ADAMTS20: variants seen among roughly 807,000 people sequenced by gnomAD.
ADAMTS20 encodes the protein ADAM metallopeptidase with thrombospondin type 1 motif 20, also known as A disintegrin and metalloproteinase with thrombospondin motifs 20.
ADAMTS20 carries 225 observed loss-of-function variants against 260.1 expected under a neutral mutation model. That is an observed-to-expected ratio of 0.87 (90% CI 0.78 to 0.97). ADAMTS20 has a LOEUF of 0.97. ADAMTS20 is among the 50% of genes least tolerant of loss of function. The pLI, the probability that ADAMTS20 is intolerant of heterozygous loss-of-function variation, is 0.00. For synonymous variants in ADAMTS20, 802 were observed against 769.5 expected (o/e 1.04, Z -0.70); for missense variants, 2,400 against 2,337.7 (o/e 1.03, Z -0.55).
Position 43,551,723 on chromosome 12 carries a change from G to A in ADAMTS20, c.91+108C>T. The stretch of plus-strand genomic sequence containing the variant: ...TCCGGGAGTCCCGGGAGCTCCAGCA[G>A]GGCCAGCGTTCCCCAACGGGCTGAG... On this transcript the variant is annotated intron_variant, in intron 1 of 38. Transcript: ENST00000389420. This position sits in a 1 kb window ranked among gnomAD's most constrained non-coding sequence, Gnocchi z 4.6. The A allele has an allele frequency of 8.6e-7, 1 of 1,164,156 alleles. No individual in the cohort carries two copies. The highest frequency in any genetic ancestry group is 1.3e-5 in the South Asian group (1 of 76,600). 72.1% of individuals were successfully genotyped at this position (1,164,156 alleles called of 1,614,324 possible).
Position 43,443,149 on chromosome 12 carries a change from G to A in ADAMTS20, c.2290+642C>T, listed in dbSNP as rs74363795. ...CAGCTTGGTGAATTATAGATAACTC[G>A]CTATTAAGATATTTCACAGGCAGAA... On this transcript the variant is annotated intron_variant, in intron 16 of 38. Coordinates refer to ENST00000389420, the MANE Select transcript of ADAMTS20 (RefSeq NM_025003.5). Among the ~76,000 whole-genome samples, 721 of 152,112 alleles carry A rather than the reference G, an allele frequency of 4.7e-3. 6 individuals carry two copies. Among genetic ancestry groups the A allele is most frequent in the African/African-American group, 0.017 (685 of 41,502 alleles).
intron 3 of ADAMTS20, among the ~76,000 whole-genome samples, chr12:43,528,347 G>GAAAAAAAAAAAAAAAAAAAAAAA (rs1565583137): frequency 1.3e-3 from 3 of 2,308 alleles, no homozygotes; most frequent in African/African-American, 2.3e-3. Flanking sequence ...GCAATCCTAA[G>GAAAAAAAAAAAAAAAAAAAAAAA]CAAAAAAAAA....
intron 2 of ADAMTS20, among the ~76,000 whole-genome samples, chr12:43,538,569 G>T (rs1445547993): frequency 6.6e-6 from 1 of 152,074 alleles, no homozygotes; most frequent in East Asian, 1.9e-4. Flanking sequence ...TGCTTGTGGG[G>T]TATTGCTCAA....
intron 3 of ADAMTS20, among the ~76,000 whole-genome samples, chr12:43,523,496 G>A (rs1943099652): frequency 6.6e-6 from 1 of 152,168 alleles, no homozygotes; most frequent in African/African-American, 2.4e-5. Context: ...GCAGGAGTTG[G>A]GTACCCCAGC....
intron 29 of ADAMTS20, among the ~76,000 whole-genome samples, chr12:43,389,717 T>G (rs1264568110): frequency 2.0e-5 from 3 of 152,112 alleles, no homozygotes; most frequent in South Asian, 2.1e-4. Flanking sequence ...TTTGTTTTTG[T>G]TTTTTTGCCA....
Position 43,446,472 on chromosome 12 carries a change from T to A in ADAMTS20, c.2197+123A>T, listed in dbSNP as rs1423072126. ...TATTTAGGAAATTTTTCCTTAACAATCATTTTGGACTAAGGGTATAGAGTA... is the reference window on the plus strand; with the variant it reads ...TATTTAGGAAATTTTTCCTTAACAAACATTTTGGACTAAGGGTATAGAGTA... On this transcript the variant is annotated intron_variant, in intron 15 of 38. Transcript: ENST00000389420. 3 of 648,060 alleles carry A rather than the reference T, an allele frequency of 4.6e-6. No individual in the cohort carries two copies. The South Asian group carries it at 8.4e-5, about 18-fold the overall frequency. 40.1% of individuals were successfully genotyped at this position (648,060 alleles called of 1,614,324 possible). A position where few individuals can be genotyped will look rare whatever the true frequency, so the allele number is the denominator to read the frequency against.
In ADAMTS20 at chr12:43,383,766, T is replaced by G. The variant is rs201090776; in HGVS notation, c.4626+38A>C. 4.4e-5 allele frequency: 71 copies of G among 1,613,438 alleles called. No individual in the cohort carries two copies. The East Asian group carries it at 1.5e-3, about 35-fold the overall frequency. Reference sequence around the variant, plus strand: ...TAACCAAATGAATAACACATTCTTATATGCAGTGTCTTTGAAAATTTACAT... The same window carrying G: ...TAACCAAATGAATAACACATTCTTAGATGCAGTGTCTTTGAAAATTTACAT... On this transcript the variant is annotated intron_variant, in intron 30 of 38. Transcript: ENST00000389420.
chr12:43,399,290 A>G (rs944165534), intron 28 of ADAMTS20, 57 bp from the exon 29 acceptor site: 1 of 1,314,248 alleles, frequency 7.6e-7, no homozygotes. Context: ...ATTTAAGCTT[A>G]TCTTAAAGAA....
At chr12:43,485,280 C>T (rs1942506271) in intron 7 of ADAMTS20, among the ~76,000 whole-genome samples, 1 of 151,986 alleles carries the variant, frequency 6.6e-6, no homozygotes, top group Admixed American at 6.6e-5. Flanking sequence ...ATAAACAAGT[C>T]AATAAATGTG....
Position 43,377,455 on chromosome 12 carries a change from T to C in ADAMTS20, c.4905A>G (p.Gln1635=), listed in dbSNP as rs778719610. ...KLHRLRPIVY[Q]ECPVVPSSQV... ...GAGAGGAAGGCACCACAGGGCATTC[T>C]TGATAAACTATAGGCCGAAGTCGAT... is the stretch of plus-strand genomic sequence containing the variant. Residue 1635 remains glutamine, a synonymous_variant, in exon 32 of 39, where the codon CAA becomes CAG. Transcript: ENST00000389420. The C allele has an allele frequency of 2.5e-6, 4 of 1,613,760 alleles. No homozygotes were observed. Among genetic ancestry groups the C allele is most frequent in the Non-Finnish European group, 3.4e-6 (4 of 1,179,758 alleles).
intron 28 of ADAMTS20, among the ~76,000 whole-genome samples, chr12:43,414,978 T>C (rs1941102058): frequency 6.6e-6 from 1 of 152,186 alleles, no homozygotes; most frequent in South Asian, 2.1e-4. Context: ...AATTCATCTA[T>C]TCATAGAAGT....
rs577072959 is a variant in ADAMTS20, at chr12:43,373,501, T to C, written c.5446+1878A>G. Among the ~76,000 whole-genome samples, 7 of 152,084 alleles carry C rather than the reference T, an allele frequency of 4.6e-5. No homozygotes were observed. In the Middle Eastern group the frequency reaches 0.02, roughly 443 times the overall value. On this transcript the variant is annotated intron_variant, in intron 36 of 38. Transcript: ENST00000389420. Reference sequence around the variant, plus strand: ...ATACACTAACACTAAGAATAGCTTATGAGCTAAAAAAGTCACAAAAAAAAT... The same window carrying C: ...ATACACTAACACTAAGAATAGCTTACGAGCTAAAAAAGTCACAAAAAAAAT...
chr12:43,550,896 C>G lies in ADAMTS20; in HGVS notation c.453+13G>C. 2 of 1,525,194 alleles carry G rather than the reference C, an allele frequency of 1.3e-6. No individual in the cohort carries two copies. Among genetic ancestry groups the G allele is most frequent in the South Asian group, 2.6e-5 (2 of 77,344 alleles). The allele number at this position is 1,525,194 out of a possible 1,614,324, so 94.5% of individuals were successfully genotyped here. A position where few individuals can be genotyped will look rare whatever the true frequency, so the allele number is the denominator to read the frequency against. On this transcript the variant is annotated intron_variant, in intron 2 of 38. Coordinates refer to ENST00000389420, the MANE Select transcript of ADAMTS20 (RefSeq NM_025003.5). ...GATCCCAAGAAAATGCCAAGGGACC[C>G]GAGGACACTCACCAGGCCTCCGCAT... is the stretch of plus-strand genomic sequence containing the variant.
intron 7 of ADAMTS20, among the ~76,000 whole-genome samples, chr12:43,478,088 A>T (rs1488416579): frequency 2.0e-5 from 3 of 152,202 alleles, no homozygotes; most frequent in African/African-American, 7.2e-5. Flanking sequence ...CAGATATGTG[A>T]ATTTTCAGAT....
chr12:43,458,023 T>C (rs976340111), intron 11 of ADAMTS20, among the ~76,000 whole-genome samples: 12 of 152,358 alleles, frequency 7.9e-5, no homozygotes, highest in South Asian at 4.1e-4. Flanking sequence ...GCCCATGACA[T>C]AGCCTCAGGA....
At chr12:43,434,909 G>T (rs997440801) in intron 18 of ADAMTS20, among the ~76,000 whole-genome samples, 2 of 151,968 alleles carry the variant, frequency 1.3e-5, no homozygotes, top group Non-Finnish European at 2.9e-5. Flanking sequence ...TTTTCCCTCT[G>T]CCTCCAGAAC....
intron 11 of ADAMTS20, among the ~76,000 whole-genome samples, chr12:43,457,888 T>A (rs1941993900): frequency 6.6e-6 from 1 of 152,216 alleles, no homozygotes; most frequent in South Asian, 2.1e-4. Flanking sequence ...TATGAATCCA[T>A]TCAAATCTTT....
At chr12:43,520,342 AT>A (rs1943054840) in intron 3 of ADAMTS20, among the ~76,000 whole-genome samples, 2 of 152,326 alleles carry the variant, frequency 1.3e-5, no homozygotes, top group South Asian at 2.1e-4. Context: ...AAAAAAATAC[AT>A]AATCTAAATT....
At chr12:43,452,727 C>T in intron 12 of ADAMTS20, 32 bp from the exon 13 acceptor site, 1 of 1,551,302 alleles carries the variant, frequency 6.4e-7, no homozygotes, top group Non-Finnish European at 8.7e-7. Flanking sequence ...TAAAGCACAT[C>T]AGTACAACAT....
Sources: gnomAD v4.1 joint callset for allele counts (sites outside exome capture counted in the v4.1 genomes callset) on GRCh38, gnomAD v4.1.1 for gene constraint, Gnocchi (gnomAD v3.1) non-coding constraint, MANE v1.5 for transcripts, NCBI Gene and HGNC (gene_info 2026-07-23, HGNC 2026-07-21) for gene names.